VPS4B: variants seen among roughly 807,000 people sequenced by gnomAD.
VPS4B encodes vacuolar protein sorting 4 homolog B, also known as vacuolar protein sorting-associated protein 4B.
VPS4B carries 23 observed loss-of-function variants against 56.1 expected under a neutral mutation model. That is an observed-to-expected ratio of 0.41 (90% confidence interval 0.30 to 0.58). VPS4B has a LOEUF of 0.58. Among genes scored for constraint, VPS4B ranks in the 20% least tolerant of loss-of-function variants. The probability of loss-of-function intolerance (pLI) is 0.29; values close to 1 mark genes in which losing one functional copy is unlikely to be tolerated. For missense variants in VPS4B, 372 were observed against 531.9 expected, an observed-to-expected ratio of 0.70 and a Z score of 2.96; for synonymous variants, 177 against 186.0, an observed-to-expected ratio of 0.95 and a Z score of 0.39.
At chr18:63,391,683 C>G (rs1915552923) in intron 10 of VPS4B, among the ~76,000 whole-genome samples, 1 of 152,206 alleles carries the variant, frequency 6.6e-6, no homozygotes, top group Non-Finnish European at 1.5e-5. Context: ...AAAGTATGTT[C>G]ATGATCTAAT....
rs1256974827 is a variant in VPS4B at position 63,389,780 on chromosome 18, G to T, written c.*1195C>A. The T allele has an allele frequency of 1.3e-5, 2 of 152,582 alleles. No individual in the cohort carries two copies. The highest frequency in any genetic ancestry group is 4.8e-5 in the African/African-American group (2 of 41,438). The allele number at this position is 152,582 out of a possible 1,614,324, so 9.5% of individuals were successfully genotyped here. On this transcript the variant is annotated 3_prime_UTR_variant, in exon 11 of 11. Transcript: ENST00000238497. ...ATTAAAAAAGGAAATATACATATAT[G>T]TACACAGACACCCCATATCACAGAC... is the stretch of plus-strand genomic sequence containing the variant.
At chr18:63,407,645 G>T (rs1002999536) in intron 3 of VPS4B, 146 bp from the exon 4 acceptor site, 16 of 639,512 alleles carry the variant, frequency 2.5e-5, no homozygotes, top group African/African-American at 2.4e-4. Context: ...TTATTTTAAA[G>T]AATGTAGTAA....
chr18:63,401,024 A>G (rs1468289791), intron 5 of VPS4B, among the ~76,000 whole-genome samples: 1 of 152,224 alleles, frequency 6.6e-6, no homozygotes, highest in Admixed American at 6.5e-5. Context: ...GTAGGGGAAA[A>G]GAGTTCAGTT....
chr18:63,401,719 A>G (rs2144419842), intron 5 of VPS4B, among the ~76,000 whole-genome samples: 1 of 152,060 alleles, frequency 6.6e-6, no homozygotes, highest in African/African-American at 2.4e-5. Flanking sequence ...ATGGCTGGGC[A>G]TGGTGGCTCA....
rs934515007 is a variant in VPS4B, at chr18:63,389,473, C to T, written c.*1502G>A. 6.6e-6 allele frequency: 1 copy of T among 152,612 alleles called. No homozygotes were observed. Among genetic ancestry groups the T allele is most frequent in the African/African-American group, 2.4e-5 (1 of 41,440 alleles). The allele number at this position is 152,612 out of a possible 1,614,324, so 9.5% of individuals were successfully genotyped here. On this transcript the variant is annotated 3_prime_UTR_variant, in exon 11 of 11. Transcript: ENST00000238497. ...ATAGCATTTGCAAGATAGAATTTCA[C>T]TGTAATTAGGGAATCTAGTTCATCC...
At chr18:63,417,562 T>C (rs1204985339) in intron 1 of VPS4B, among the ~76,000 whole-genome samples, 3 of 152,162 alleles carry the variant, frequency 2.0e-5, no homozygotes, top group Non-Finnish European at 2.9e-5. Context: ...TCATCAGGTG[T>C]GGGCTGGGAC....
chr18:63,411,799 T>G (rs1470043609), intron 1 of VPS4B, among the ~76,000 whole-genome samples: 1 of 152,178 alleles, frequency 6.6e-6, no homozygotes, highest in Non-Finnish European at 1.5e-5. Context: ...AAGATGCAAA[T>G]TACATGTTAT....
chr18:63,400,804 A>C (rs1186241154), intron 5 of VPS4B, 101 bp from the exon 6 acceptor site: 5 of 1,140,920 alleles, frequency 4.4e-6, no homozygotes, highest in African/African-American at 1.6e-5. Context: ...TAAACCTCTA[A>C]GGATCAAAAC....
intron 3 of VPS4B, 62 bp from the exon 4 acceptor site, chr18:63,407,561 G>T (rs550149366): frequency 1.5e-6 from 2 of 1,334,652 alleles, no homozygotes; most frequent in East Asian, 4.9e-5. Context: ...AGGCAAAAAT[G>T]AAGGAAAAAT....
At chr18:63,411,008 G>A (rs949584280) in intron 2 of VPS4B, among the ~76,000 whole-genome samples, 3 of 152,182 alleles carry the variant, frequency 2.0e-5, no homozygotes, top group African/African-American at 7.2e-5. Context: ...ATAGCTTACA[G>A]GTTATGACTC....
intron 8 of VPS4B, 119 bp downstream of exon 8, chr18:63,399,123 G>C (rs865916395): frequency 5.2e-5 from 44 of 847,898 alleles, no homozygotes; most frequent in Admixed American, 4.7e-5. Flanking sequence ...AACAGGGTTA[G>C]AGCACATTAC....
chr18:63,403,994 C>G (rs1206589102), intron 4 of VPS4B, among the ~76,000 whole-genome samples, 168 bp from the exon 5 acceptor site: 2 of 152,116 alleles, frequency 1.3e-5, no homozygotes, highest in African/African-American at 4.8e-5. Flanking sequence ...AGGGAGTAGT[C>G]AATAGGACTA....
In VPS4B at chr18:63,421,906, G is replaced by A. The variant is rs76002222; in HGVS notation, c.27+327C>T. Among the ~76,000 whole-genome samples the A allele has an allele frequency of 5.4e-3, 829 of 152,294 alleles. 7 individuals are homozygous for A. The highest frequency in any genetic ancestry group is 0.019 in the African/African-American group (786 of 41,564). ...CTATCTTCAACTGGTCCAGAATAGG[G>A]CTTTGCAAAAATTACGTTCTTTCTT... On this transcript the variant is annotated intron_variant, in intron 1 of 10. Coordinates refer to ENST00000238497, the MANE Select transcript of VPS4B (RefSeq NM_004869.4).
chr18:63,390,875 G>T lies in VPS4B; in HGVS notation c.*100C>A. ...TGAAGTGAGATGTGTATTTCCCTGT[G>T]GTAAAAGAGTTTTACTGGAAACAAT... On this transcript the variant is annotated 3_prime_UTR_variant, in exon 11 of 11. Transcript: ENST00000238497. 1 of 767,506 alleles carries T rather than the reference G, an allele frequency of 1.3e-6. No individual in the cohort carries two copies. Among genetic ancestry groups the T allele is most frequent in the Non-Finnish European group, 2.1e-6 (1 of 468,600 alleles). The allele number at this position is 767,506 out of a possible 1,614,324, so 47.5% of individuals were successfully genotyped here.
At chr18:63,391,113 A>T (rs1568081813) in intron 10 of VPS4B, 37 bp from the exon 11 acceptor site, 2 of 1,356,448 alleles carry the variant, frequency 1.5e-6, no homozygotes, top group Admixed American at 3.6e-5. Flanking sequence ...GGATATTAAT[A>T]ATAGAGTTAA....
chr18:63,409,275 T>C (rs1463697860), intron 3 of VPS4B, among the ~76,000 whole-genome samples: 1 of 152,228 alleles, frequency 6.6e-6, no homozygotes, highest in East Asian at 1.9e-4. Flanking sequence ...AAGTCAACAC[T>C]GGTTCTTATA....
chr18:63,407,920 A>G (rs2144428106), intron 3 of VPS4B, among the ~76,000 whole-genome samples: 1 of 152,338 alleles, frequency 6.6e-6, no homozygotes, highest in Non-Finnish European at 1.5e-5. Context: ...AATCTGGAAC[A>G]CTAAGGTACA....
Position 63,400,055 on chromosome 18 carries a change from T to C in VPS4B, c.783A>G (p.Gln261=). 1 of 1,602,020 alleles carries C rather than the reference T, an allele frequency of 6.2e-7. No individual in the cohort carries two copies. Among genetic ancestry groups the C allele is most frequent in the Non-Finnish European group, 8.5e-7 (1 of 1,177,028 alleles). ...AAAAATTAGTAACACTACCTTGCAT[T>C]TGCACTAGGAACTCCGTCTTAATTC... The part of the protein sequence containing the change: ...ARRIKTEFLV[Q]MQGVGVDNDG... The change falls in exon 7 of 11, where the codon CAA becomes CAG. Residue 261 remains glutamine, a synonymous_variant. Coordinates refer to ENST00000238497, the MANE Select transcript of VPS4B (RefSeq NM_004869.4).
chr18:63,396,960 A>G (rs763562460), intron 9 of VPS4B, 74 bp downstream of exon 9: 1 of 1,476,452 alleles, frequency 6.8e-7, no homozygotes, highest in South Asian at 1.2e-5. Context: ...ACTGCACTCC[A>G]GCCTGGGCAA....
Sources: gnomAD v4.1 joint callset for allele counts (sites outside exome capture counted in the v4.1 genomes callset) on GRCh38, gnomAD v4.1.1 for gene constraint, MANE v1.5 for transcripts, NCBI Gene and HGNC (gene_info 2026-07-23, HGNC 2026-07-21) for gene names.